Variants in PCDH15 observed in about 807,000 individuals in gnomAD.
The protein encoded by PCDH15 is protocadherin-15.
PCDH15 carries 129 observed loss-of-function variants against 178.5 expected under a neutral mutation model. The ratio of observed to expected loss-of-function variants is 0.72; its 90% CI spans 0.63 to 0.84. PCDH15 has a LOEUF of 0.84. Among genes scored for constraint, PCDH15 ranks in the 40% least tolerant of loss-of-function variants. The pLI is 0.00. For synonymous variants in PCDH15, 800 were observed against 732.0 expected (o/e 1.09, Z -1.50); for missense variants, 2,230 against 2,099.9 (o/e 1.06, Z -1.21).
chr10:53,824,174 G>A (rs1173146305), intron 32 of PCDH15, among the ~76,000 whole-genome samples: 1 of 151,860 alleles, frequency 6.6e-6, no homozygotes, highest in African/African-American at 2.4e-5. Context: ...TGATATCACT[G>A]AAAGGCTTAC....
intron 1 of PCDH15, among the ~76,000 whole-genome samples, chr10:54,678,003 A>G (rs1046800611): frequency 6.6e-6 from 1 of 152,182 alleles, no homozygotes; most frequent in Non-Finnish European, 1.5e-5. Context: ...AATCTATCAC[A>G]GTAATATATG....
chr10:55,070,396 G>T (rs1191852294), intron 2 of PCDH15, among the ~76,000 whole-genome samples: 2 of 151,612 alleles, frequency 1.3e-5, no homozygotes, highest in South Asian at 4.2e-4. Context: ...TTCTTCTAGG[G>T]TTTTTATGGT....
rs187294182 is a variant in PCDH15 at position 53,897,405 on chromosome 10, A to G, written c.3501+5838T>C. ...GAGCTTCAAAGGAATGAATTAAATT[A>G]AATATAGTTTAAAAAATTTTAAAGT... is the stretch of plus-strand genomic sequence containing the variant. On this transcript the variant is annotated intron_variant, in intron 26 of 37. Transcript: ENST00000644397. Among the ~76,000 whole-genome samples, 387 of 152,354 alleles carry G rather than the reference A, an allele frequency of 2.5e-3. 3 individuals are homozygous for G. Among genetic ancestry groups the G allele is most frequent in the Non-Finnish European group, 4.1e-3 (276 of 68,036 alleles).
At chr10:55,159,939 A>T (rs1289010143) in intron 2 of PCDH15, among the ~76,000 whole-genome samples, 3 of 151,770 alleles carry the variant, frequency 2.0e-5, no homozygotes, top group African/African-American at 7.2e-5. Flanking sequence ...GCCTAAAACC[A>T]TCTTATGTGC....
chr10:53,939,761 T>C (rs922859187), intron 24 of PCDH15, among the ~76,000 whole-genome samples: 17 of 152,032 alleles, frequency 1.1e-4, no homozygotes, highest in Admixed American at 5.2e-4. Context: ...GTTGAATAAA[T>C]AAATAAATGT....
At chr10:55,288,425 G>A (rs1842928041) in intron 1 of PCDH15, among the ~76,000 whole-genome samples, 1 of 151,740 alleles carries the variant, frequency 6.6e-6, no homozygotes, top group Admixed American at 6.6e-5. Context: ...AAATGTGTAA[G>A]TACACAATGT....
chr10:54,346,549 A>G, intron 5 of PCDH15, 65 bp from the exon 6 acceptor site: 1 of 1,589,738 alleles, frequency 6.3e-7, no homozygotes. Context: ...GAAATGTTAC[A>G]GCATAAAAAT....
At chr10:54,813,867 T>A (rs1321191283) in intron 3 of PCDH15, among the ~76,000 whole-genome samples, 2 of 152,244 alleles carry the variant, frequency 1.3e-5, no homozygotes, top group Non-Finnish European at 2.9e-5. Flanking sequence ...TCTAGTTTTA[T>A]CTGGCCTCAT....
intron 2 of PCDH15, among the ~76,000 whole-genome samples, chr10:55,044,633 T>C (rs1840952545): frequency 6.6e-6 from 1 of 152,100 alleles, no homozygotes; most frequent in Admixed American, 6.6e-5. Context: ...TAAACTATAA[T>C]TACCTTATAC....
intron 1 of PCDH15, among the ~76,000 whole-genome samples, chr10:54,740,953 A>C (rs1203379407): frequency 6.6e-6 from 1 of 152,014 alleles, no homozygotes; most frequent in Non-Finnish European, 1.5e-5. Context: ...CTAGCATTTA[A>C]TAACACAGCA....
rs975810881 is a variant in PCDH15 at position 54,820,009 on chromosome 10, T to C, written c.-29+77441A>G. ...AGTATCAACTGCTGTCAAAATAAGT[T>C]TCTGGAAAAAAAAAATCAAGCAATG... On this transcript the variant is annotated intron_variant, in intron 3 of 5. Coordinates refer to the PCDH15 transcript ENST00000458638. 1.0e-3 allele frequency among the ~76,000 whole-genome samples: 5 copies of C among 4,916 alleles called. No individual in the cohort carries two copies. In the Admixed American group the frequency reaches 0.018, roughly 18 times the overall value. 3.2% of individuals were successfully genotyped at this position (4,916 alleles called of 152,430 possible). A position where few individuals can be genotyped will look rare whatever the true frequency, so the allele number is the denominator to read the frequency against.
chr10:53,879,868 T>C (rs139570291), intron 26 of PCDH15, among the ~76,000 whole-genome samples: 1,600 of 152,256 alleles, frequency 0.011, 35 homozygotes, highest in African/African-American at 0.037. Context: ...GCCAGGCTGG[T>C]CTTTAACTCC....
chr10:55,068,685 A>G (rs1027050325), intron 2 of PCDH15, among the ~76,000 whole-genome samples: 5 of 151,904 alleles, frequency 3.3e-5, no homozygotes, highest in Non-Finnish European at 7.4e-5. Flanking sequence ...TTGGGGCAGT[A>G]TGGTCATTTT....
intron 2 of PCDH15, among the ~76,000 whole-genome samples, chr10:55,356,704 T>A (rs1455783599): frequency 6.6e-6 from 1 of 151,906 alleles, no homozygotes; most frequent in African/African-American, 2.4e-5. Context: ...TTTCATTTAT[T>A]AACCAATTTA....
chr10:55,179,504 C>T (rs897710309), intron 1 of PCDH15, among the ~76,000 whole-genome samples: 1 of 151,966 alleles, frequency 6.6e-6, no homozygotes, highest in Non-Finnish European at 1.5e-5. Context: ...TACCTTTTAA[C>T]CAAACTTTTT....
At chr10:54,031,170 C>G (rs1389361141) in intron 18 of PCDH15, among the ~76,000 whole-genome samples, 1 of 152,018 alleles carries the variant, frequency 6.6e-6, no homozygotes, top group Non-Finnish European at 1.5e-5. Flanking sequence ...AAATCAGAAA[C>G]ACTTTTACAA....
At chr10:53,991,518 G>T (rs936509978) in intron 21 of PCDH15, among the ~76,000 whole-genome samples, 1 of 151,760 alleles carries the variant, frequency 6.6e-6, no homozygotes, top group East Asian at 1.9e-4. Flanking sequence ...CTAGCTCAAG[G>T]TTTGTAAACC....
At chr10:54,736,074 G>A (rs1944079293) in intron 1 of PCDH15, among the ~76,000 whole-genome samples, 2 of 151,656 alleles carry the variant, frequency 1.3e-5, no homozygotes, top group Non-Finnish European at 1.5e-5. Flanking sequence ...CTTTCCTTAG[G>A]TCAAACTGCA....
intron 25 of PCDH15, chr10:53,905,083 C>T (rs1338384663): frequency 4.3e-6 from 2 of 468,360 alleles, no homozygotes; most frequent in African/African-American, 3.9e-5. Context: ...TAACCAAATC[C>T]TACATGTCAG....
Sources: allele counts gnomAD v4.1 joint callset (sites outside exome capture counted in the v4.1 genomes callset), GRCh38; gene constraint gnomAD v4.1.1; transcripts MANE v1.5; gene names NCBI Gene and HGNC (gene_info 2026-07-23, HGNC 2026-07-21).